The following CATIP variants were observed in gnomAD, a reference collection of about 807,000 sequenced individuals.
CATIP encodes the protein ciliogenesis associated TTC17 interacting protein.
A neutral mutation model predicts 42.5 loss-of-function variants in CATIP; 40 were observed. The ratio of observed to expected loss-of-function variants is 0.94; its 90% CI spans 0.73 to 1.22. CATIP has a LOEUF of 1.22. CATIP is among the 50% of genes most tolerant of loss of function. The probability of loss-of-function intolerance (pLI) is 0.00; values close to 1 mark genes in which losing one functional copy is unlikely to be tolerated. For missense variants in CATIP, 489 were observed against 496.0 expected (o/e 0.99, Z 0.13); for synonymous variants, 222 against 200.2 (o/e 1.11, Z -0.92).
At position 218,364,617 on chromosome 2, in the gene CATIP, G is replaced by A. The variant is rs1299610478; in HGVS notation, c.631-11G>A. ...CCTTACCTCCCACCCCCCAATTTTG[G>A]CTGTTGCCAGCAAAACCTGGGCTTC... is the stretch of plus-strand genomic sequence containing the variant. On this transcript the variant is annotated splice_polypyrimidine_tract_variant and intron_variant, in intron 6 of 9. Transcript: ENST00000289388. 6.2e-7 allele frequency: 1 copy of A among 1,612,914 alleles called. No homozygotes were observed. The highest frequency in any genetic ancestry group is 1.1e-5 in the South Asian group (1 of 90,942).
chr2:218,366,800 T>C, intron 7 of CATIP: 1 of 536,516 alleles, frequency 1.9e-6, no homozygotes, highest in Admixed American at 2.9e-5. Context: ...ATGGCCTTTC[T>C]TCCGTGCATG....
chr2:218,361,620 T>A (rs1408527549), intron 5 of CATIP, among the ~76,000 whole-genome samples: 1 of 152,188 alleles, frequency 6.6e-6, no homozygotes, highest in Non-Finnish European at 1.5e-5. Context: ...AGCAGAGGGA[T>A]GACTTTGAGT....
chr2:218,359,529 G>A (rs1051657196), intron 4 of CATIP, among the ~76,000 whole-genome samples: 4 of 152,012 alleles, frequency 2.6e-5, no homozygotes, highest in Non-Finnish European at 5.9e-5. Context: ...CAGGCCCCCA[G>A]GGAAGGCTAG....
At position 218,367,705 on chromosome 2, in the gene CATIP, G is replaced by A. The variant is rs181595082; in HGVS notation, c.922-17G>A. Reference sequence around the variant, plus strand: ...GGGGTCCCGTCCGGCTGAGGCTCGGGCTCTGTCCCCTGCCAGGAGGAGCTC... The same window carrying A: ...GGGGTCCCGTCCGGCTGAGGCTCGGACTCTGTCCCCTGCCAGGAGGAGCTC... On this transcript the variant is annotated splice_polypyrimidine_tract_variant and intron_variant, in intron 9 of 9. Transcript: ENST00000289388. 2,764 of 1,586,064 alleles carry A rather than the reference G, an allele frequency of 1.7e-3. 9 individuals carry two copies. The highest frequency in any genetic ancestry group is 0.017 in the African/African-American group (1,295 of 74,424).
chr2:218,357,289 C>CTCTCTCTCTCTCTCTCT, intron 2 of CATIP, 102 bp downstream of exon 2: 2 of 864,162 alleles, frequency 2.3e-6, no homozygotes, highest in South Asian at 3.3e-5. Flanking sequence ...CTCTCTCTCT[C>CTCTCTCTCTCTCTCTCT]TTCCTTGATT....
intron 5 of CATIP, 92 bp from the exon 6 acceptor site, chr2:218,362,642 AC>A (rs1695275670): frequency 7.6e-7 from 1 of 1,317,566 alleles, no homozygotes; most frequent in Non-Finnish European, 1.0e-6. Flanking sequence ...TCAAAAAAAA[AC>A]AAAACCGTAT....
chr2:218,357,598 G>A lies in CATIP; in HGVS notation c.183G>A (p.Glu61=). Residue 61 remains glutamate, a synonymous_variant, in exon 3 of 10, where the codon GAG becomes GAA. Coordinates refer to ENST00000289388, the MANE Select transcript of CATIP (RefSeq NM_198559.2). ...ETLAMVSDTG[E]PQGELTIEVQ... ...TGGCCATGGTCTCAGACACCGGGGA[G>A]CCTCAGGGAGAGCTGACCATTGAGG... 1 of 1,614,096 alleles carries A rather than the reference G, an allele frequency of 6.2e-7. No homozygotes were observed. Among genetic ancestry groups the A allele is most frequent in the East Asian group, 2.2e-5 (1 of 44,864 alleles).
rs917793567 is a variant in CATIP at position 218,362,860 on chromosome 2, C to T, written c.588C>T (p.Phe196=). The change falls in exon 6 of 10, where the codon TTC becomes TTT. Residue 196 remains phenylalanine, a synonymous_variant. Coordinates refer to ENST00000289388, the MANE Select transcript of CATIP (RefSeq NM_198559.2). ...WRRMVPSNAR[F]LTLDTEGKLC... is the part of the protein sequence containing the mutation. ...GGATGGTGCCCAGCAATGCCCGCTT[C>T]CTGACCTTGGACACCGAGGGCAAAC... is the stretch of plus-strand genomic sequence containing the variant. 8 of 1,613,868 alleles carry T rather than the reference C, an allele frequency of 5.0e-6. No individual in the cohort carries two copies. Among genetic ancestry groups the T allele is most frequent in the Non-Finnish European group, 6.8e-6 (8 of 1,180,024 alleles).
intron 9 of CATIP, 23 bp downstream of exon 9, chr2:218,367,541 T>C (rs557041067): frequency 6.2e-7 from 1 of 1,612,482 alleles, no homozygotes; most frequent in South Asian, 1.1e-5. Context: ...TCCACCAGCC[T>C]GGGGTTCCCA....
Position 218,357,704 on chromosome 2 carries a change from G to A in CATIP, c.289G>A (p.Asp97Asn). Reference protein sequence around the residue: ...FVHASSRGFLDKMLCGNSLLG... With the variant: ...FVHASSRGFLNKMLCGNSLLG... ...GCATGCCTCTAGCCGAGGCTTCTTG[G>A]ACAAAATGCTCTGCGGAAATTCCCT... Residue 97 changes from aspartate to asparagine, a missense_variant, in exon 3 of 10, where the codon GAC becomes AAC. Transcript: ENST00000289388. 6.2e-7 allele frequency: 1 copy of A among 1,613,906 alleles called. No homozygotes were observed. Among genetic ancestry groups the A allele is most frequent in the Non-Finnish European group, 8.5e-7 (1 of 1,180,012 alleles).
In CATIP at chr2:218,367,711, T is replaced by A; in HGVS notation, c.922-11T>A. ...CCGTCCGGCTGAGGCTCGGGCTCTGTCCCCTGCCAGGAGGAGCTCCGGCTC... is the reference window on the plus strand; with the variant it reads ...CCGTCCGGCTGAGGCTCGGGCTCTGACCCCTGCCAGGAGGAGCTCCGGCTC... On this transcript the variant is annotated splice_polypyrimidine_tract_variant and intron_variant, in intron 9 of 9. Transcript: ENST00000289388. The A allele has an allele frequency of 6.3e-7, 1 of 1,588,718 alleles. No homozygotes were observed. The highest frequency in any genetic ancestry group is 8.5e-7 in the Non-Finnish European group (1 of 1,171,472).
chr2:218,358,883 C>A (rs371179125), intron 4 of CATIP, among the ~76,000 whole-genome samples: 756 of 123,512 alleles, frequency 6.1e-3, no homozygotes, highest in Admixed American at 7.4e-3. Flanking sequence ...GACCCTGTCT[C>A]AAAAAAAAAA....
chr2:218,361,490 T>C (rs1027514706), intron 5 of CATIP, among the ~76,000 whole-genome samples: 13 of 152,314 alleles, frequency 8.5e-5, no homozygotes, highest in Admixed American at 7.8e-4. Flanking sequence ...CCGATTAGCC[T>C]TTCACTGAAT....
At chr2:218,365,246 CT>C (rs1448031514) in intron 7 of CATIP, among the ~76,000 whole-genome samples, 3 of 152,218 alleles carry the variant, frequency 2.0e-5, no homozygotes, top group African/African-American at 7.2e-5. Context: ...AACCCCATCT[CT>C]ACTAAAAATA....
Position 218,357,164 on chromosome 2 carries a change from C to T in CATIP, c.95C>T (p.Ala32Val). ...CLPLPEANAE[A>V]IDFLSSLHKE... ...CCACTCCCAGAGGCCAATGCTGAAG[C>T]CATCGACTTCCTCAGCTCCCTCCGT... Residue 32 changes from alanine to valine, a missense_variant, in exon 2 of 10, where the codon GCC becomes GTC. Transcript: ENST00000289388. The T allele has an allele frequency of 1.2e-6, 2 of 1,613,726 alleles. No homozygotes were observed. Among genetic ancestry groups the T allele is most frequent in the Middle Eastern group, 1.7e-4 (1 of 6,058 alleles).
At chr2:218,367,630 G>C in intron 9 of CATIP, 92 bp from the exon 10 acceptor site, 4 of 1,591,222 alleles carry the variant, frequency 2.5e-6, no homozygotes, top group Non-Finnish European at 3.4e-6. Context: ...GAAGGCTCCA[G>C]CGCCCCTTAG....
rs1479836373 is a variant in CATIP, at chr2:218,357,657, T to G, written c.242T>G (p.Met81Arg). 1 of 1,613,980 alleles carries G rather than the reference T, an allele frequency of 6.2e-7. No individual in the cohort carries two copies. The change falls in exon 3 of 10, where the codon ATG becomes AGG. Residue 81 changes from methionine to arginine, a missense_variant. Transcript: ENST00000289388. Reference protein sequence around the residue: ...QRGKYQEKLGMLTYCLFVHAS... With the variant: ...QRGKYQEKLGRLTYCLFVHAS... ...GGGAAATACCAGGAAAAACTCGGCA[T>G]GCTGACATACTGCCTCTTCGTGCAT...
At position 218,357,640 on chromosome 2, in the gene CATIP, C is replaced by A. The variant is rs1574732989; in HGVS notation, c.225C>A (p.Tyr75Ter). Residue 75 changes from tyrosine to a stop codon, truncating the protein, a stop_gained, in exon 3 of 10, where the codon TAC (tyrosine) becomes TAA (stop). Transcript: ENST00000289388. LOFTEE classifies it high-confidence loss of function. Reference sequence around the variant, plus strand: ...CCATTGAGGTGCAGAGAGGGAAATACCAGGAAAAACTCGGCATGCTGACAT... The same window carrying A: ...CCATTGAGGTGCAGAGAGGGAAATAACAGGAAAAACTCGGCATGCTGACAT... ...ELTIEVQRGK[Y>*]QEKLGMLTYC... is the part of the protein sequence containing the mutation. 1 of 1,614,064 alleles carries A rather than the reference C, an allele frequency of 6.2e-7. No homozygotes were observed.
chr2:218,362,953 G>A, intron 6 of CATIP, 51 bp downstream of exon 6: 1 of 1,549,308 alleles, frequency 6.5e-7, no homozygotes, highest in Non-Finnish European at 8.8e-7. Flanking sequence ...AACTAGAAAA[G>A]GCGTGAAAAG....
Sources: allele counts gnomAD v4.1 joint callset (sites outside exome capture counted in the v4.1 genomes callset), GRCh38; gene constraint gnomAD v4.1.1; transcripts MANE v1.5; gene names NCBI Gene and HGNC (gene_info 2026-07-23, HGNC 2026-07-21).